CAST: variants seen among roughly 807,000 people sequenced by gnomAD.
The protein encoded by CAST is calpastatin, also known as MIR583 host.
In CAST, 76 loss-of-function variants were observed where a neutral mutation model predicts 119.6. The ratio of observed to expected loss-of-function variants is 0.64; its 90% CI spans 0.53 to 0.77. The LOEUF is 0.77. Ranked by LOEUF, CAST falls within the 30% of genes least tolerant of loss-of-function variation. The probability of loss-of-function intolerance (pLI) is 0.00; values close to 1 mark genes in which losing one functional copy is unlikely to be tolerated. For synonymous variants in CAST, 319 were observed against 331.6 expected, an observed-to-expected ratio of 0.96 and a Z score of 0.41; for missense variants, 953 against 946.5, an observed-to-expected ratio of 1.01 and a Z score of -0.09.
the CAST span, among the ~76,000 whole-genome samples, chr5:96,500,053 G>T: frequency 6.6e-6 from 1 of 152,094 alleles, no homozygotes; most frequent in Non-Finnish European, 1.5e-5. Flanking sequence ...TATCAGATAA[G>T]TTCGCCGCCT....
the CAST span, among the ~76,000 whole-genome samples, chr5:96,276,806 T>C: frequency 6.6e-6 from 1 of 152,220 alleles, no homozygotes; most frequent in Non-Finnish European, 1.5e-5. Flanking sequence ...CTCATGCCCA[T>C]CCTTGGGAAT....
chr5:96,544,133 C>T (rs1192074534), intron 1 of CAST, among the ~76,000 whole-genome samples: 1 of 152,140 alleles, frequency 6.6e-6, no homozygotes, highest in Non-Finnish European at 1.5e-5. Context: ...TGCATTGAGT[C>T]TGTAGAGCAA....
At chr5:96,722,860 GCTTTCCTTCCAATATTTAC>G (rs1371621390) in intron 4 of CAST, 162 bp downstream of exon 4, 4 of 637,134 alleles carry the variant, frequency 6.3e-6, no homozygotes, top group African/African-American at 5.5e-5. Flanking sequence ...TGAAAACTCA[GCTTTCCTTCCAATATTTAC>G]CTTACACATC....
chr5:96,528,420 C>G (rs532610935), upstream of CAST, among the ~76,000 whole-genome samples: 1 of 152,258 alleles, frequency 6.6e-6, no homozygotes, highest in African/African-American at 2.4e-5. Context: ...CCACTGGGCC[C>G]CTCCTACTTG....
intron 1 of CAST, among the ~76,000 whole-genome samples, chr5:96,612,946 A>T (rs1333550579): frequency 1.3e-5 from 2 of 152,216 alleles, no homozygotes; most frequent in Non-Finnish European, 2.9e-5. Context: ...ATTAATGTTT[A>T]TCAGTTAGCC....
At chr5:96,747,564 A>G (rs577085877) in intron 18 of CAST, among the ~76,000 whole-genome samples, 172 bp downstream of exon 18, 7 of 152,296 alleles carry the variant, frequency 4.6e-5, no homozygotes, top group East Asian at 1.9e-4. Flanking sequence ...GCTCCTTTCC[A>G]TATATTTTAA....
the CAST span, among the ~76,000 whole-genome samples, chr5:96,081,871 G>A: frequency 6.6e-6 from 1 of 152,154 alleles, no homozygotes. Context: ...TCTTGTTTAA[G>A]TCTCTGGATT....
the CAST span, among the ~76,000 whole-genome samples, chr5:96,333,742 A>AG: frequency 6.6e-6 from 1 of 152,130 alleles, no homozygotes; most frequent in Non-Finnish European, 1.5e-5. Context: ...GTGATTGCTC[A>AG]GGGAGGCTCT....
intron 1 of CAST, among the ~76,000 whole-genome samples, chr5:96,581,148 A>G (rs1746763965): frequency 6.6e-6 from 1 of 152,274 alleles, no homozygotes; most frequent in African/African-American, 2.4e-5. Context: ...TTTAACAGTA[A>G]CAGTAGAAAG....
the CAST span, chr5:96,421,765 G>A: frequency 1.3e-6 from 1 of 763,534 alleles, no homozygotes; most frequent in South Asian, 1.4e-5. Flanking sequence ...TATGGATGTT[G>A]TGCATTAACA....
the CAST span, among the ~76,000 whole-genome samples, chr5:96,065,419 G>A: frequency 0.061 from 5,413 of 88,078 alleles, 179 homozygotes; most frequent in Middle Eastern, 0.12. Context: ...GTGTGTGTGT[G>A]TGTGTGTGTG....
the CAST span, among the ~76,000 whole-genome samples, chr5:96,424,258 T>C: frequency 1.3e-5 from 2 of 152,060 alleles, no homozygotes; most frequent in Admixed American, 1.3e-4. Context: ...TGTGCCCTCC[T>C]CCCCATAAAG....
chr5:96,365,988 G>T, the CAST span, among the ~76,000 whole-genome samples: 1 of 152,216 alleles, frequency 6.6e-6, no homozygotes, highest in South Asian at 2.1e-4. Context: ...TCCATGTTTA[G>T]TGCTTCCTTC....
the CAST span, among the ~76,000 whole-genome samples, chr5:96,082,209 G>T: frequency 6.6e-6 from 1 of 152,292 alleles, no homozygotes. Flanking sequence ...ACCACACCCA[G>T]CTCTTATTTT....
the CAST span, chr5:96,413,037 G>A: frequency 1.8e-4 from 140 of 787,262 alleles, 1 homozygote; most frequent in Middle Eastern, 2.0e-3. Flanking sequence ...GAAACATGTA[G>A]CTTCAAAAGA....
the CAST span, among the ~76,000 whole-genome samples, chr5:96,265,508 C>G: frequency 6.6e-6 from 1 of 152,022 alleles, no homozygotes; most frequent in Non-Finnish European, 1.5e-5. Context: ...TGTCTGAGAG[C>G]AGGAGATGAC....
At chr5:96,722,326 T>G (rs1758427711) in intron 3 of CAST, among the ~76,000 whole-genome samples, 1 of 152,138 alleles carries the variant, frequency 6.6e-6, no homozygotes, top group African/African-American at 2.4e-5. Context: ...TGCCAGGGAG[T>G]AATTCTAATA....
the CAST span, among the ~76,000 whole-genome samples, chr5:96,294,388 T>C: frequency 6.6e-6 from 1 of 152,244 alleles, no homozygotes; most frequent in Non-Finnish European, 1.5e-5. Flanking sequence ...TAGAAGTCTT[T>C]TCCTGGAATC....
At chr5:96,666,257 A>AACACACACAC (rs10529318) in intron 1 of CAST, among the ~76,000 whole-genome samples, 16,458 of 150,068 alleles carry the variant, frequency 0.11, 1,433 homozygotes, top group African/African-American at 0.25. Context: ...GGTTGTAGTA[A>AACACACACAC]ACACACACAC....
Sources: allele counts gnomAD v4.1 joint callset (sites outside exome capture counted in the v4.1 genomes callset), GRCh38; gene constraint gnomAD v4.1.1; transcripts MANE v1.5; gene names NCBI Gene and HGNC (gene_info 2026-07-23, HGNC 2026-07-21).